The following HOXA2 variants were observed in gnomAD, a reference collection of about 807,000 sequenced individuals.
HOXA2 encodes the protein homeobox A2, also known as homeobox protein Hox-A2.
A neutral mutation model predicts 27.2 loss-of-function variants in HOXA2; 4 were observed. The observed-to-expected ratio is 0.15, with a 90% CI of 0.07 to 0.34. The LOEUF (loss-of-function observed/expected upper bound fraction) is 0.34. Ranked by LOEUF, HOXA2 falls within the 10% of genes least tolerant of loss-of-function variation. HOXA2 has a pLI of 1.00. For missense variants in HOXA2, 430 were observed against 473.2 expected (o/e 0.91, Z 0.85); for synonymous variants, 200 against 202.8 (o/e 0.99, Z 0.12).
chr7:27,101,208 G>A lies in HOXA2; in HGVS notation c.649C>T (p.Leu217Phe), dbSNP rs1478280686. ...NQNSEGKCKS[L>F]EDSEKVEEDE... ...TCCTCTACTTTCTCGGAGTCCTCAA[G>A]GCTTTTACATTTCCCTTCGCTGTTT... The change falls in exon 2 of 2, where the codon CTT becomes TTT. Residue 217 changes from leucine to phenylalanine, a missense_variant. Transcript: ENST00000222718. 6.2e-7 allele frequency: 1 copy of A among 1,614,062 alleles called. No individual in the cohort carries two copies. Among genetic ancestry groups the A allele is most frequent in the Non-Finnish European group, 8.5e-7 (1 of 1,180,040 alleles).
Position 27,100,951 on chromosome 7 carries a change from G to T in HOXA2, c.906C>A (p.Gly302=). Residue 302 remains glycine (G), a synonymous_variant, in exon 2 of 2, where the codon GGC becomes GGA. Coordinates refer to ENST00000222718, the MANE Select transcript of HOXA2 (RefSeq NM_006735.4). The stretch of plus-strand genomic sequence containing the variant: ...TGTTTAGGCCAGCTCCACAGTTCTG[G>T]CCCATTGTTGACAAGCAGTTGGGAA... ...PTVPNCLSTM[G]QNCGAGLNND... 1.2e-5 allele frequency: 20 copies of T among 1,614,232 alleles called. No individual in the cohort carries two copies. The highest frequency in any genetic ancestry group is 1.7e-5 in the Non-Finnish European group (20 of 1,180,038).
Position 27,102,253 on chromosome 7 carries a change from C to A in HOXA2, c.248G>T (p.Ser83Ile). 6.7e-7 allele frequency: 1 copy of A among 1,502,780 alleles called. No individual in the cohort carries two copies. The highest frequency in any genetic ancestry group is 8.9e-7 in the Non-Finnish European group (1 of 1,125,556). The allele number at this position is 1,502,780 out of a possible 1,614,324, so 93.1% of individuals were successfully genotyped here. ...CTGCAGGGCGCCGGCGGGCACCGGG[C>A]TGCCGCGGCTGCCCGCGGGGCTCGG... ...PKPSPAGSRGSPVPAGALQPP... is the reference protein window; with the variant it reads ...PKPSPAGSRGIPVPAGALQPP... The change falls in exon 1 of 2, where the codon AGC becomes ATC. Residue 83 changes from serine (S) to isoleucine (I), a missense_variant. Physicochemically the swap from Ser to Ile is moderately radical, Grantham distance 142. Around this residue, in one of 4 missense-constraint regions of HOXA2, gnomAD observed 166 missense variants for 207.6 expected, o/e 0.80. Transcript: ENST00000222718. This position sits in a 1 kb window ranked among gnomAD's most constrained non-coding sequence, Gnocchi z 4.6.
Position 27,100,690 on chromosome 7 carries a change from T to A in HOXA2, c.*36A>T, listed in dbSNP as rs1554334194. The A allele has an allele frequency of 6.2e-7, 1 of 1,612,706 alleles. No individual in the cohort carries two copies. The highest frequency in any genetic ancestry group is 8.5e-7 in the Non-Finnish European group (1 of 1,179,416). ...GGCAAAACCACCTGGTCAAAGGAGT[T>A]TTTGTTTGGTGATGCTTTGTTTTGC... On this transcript the variant is annotated 3_prime_UTR_variant, in exon 2 of 2. Transcript: ENST00000222718.
rs747264534 is a variant in HOXA2 at position 27,102,335 on chromosome 7, T to C, written c.166A>G (p.Ile56Val). ...TGACTGCCGGGGTTCAGGCTGGGAA[T>C]GGTCTGCTCAAAAGGAGGAGGAATC... ...TLIPPPFEQT[I>V]PSLNPGSHPR... Residue 56 changes from isoleucine to valine, a missense_variant, in exon 1 of 2, where the codon ATT (isoleucine) becomes GTT (valine). By Grantham distance (29) the Ile-to-Val change is conservative (BLOSUM62 3). Around this residue, in one of 4 missense-constraint regions of HOXA2, gnomAD observed 166 missense variants for 207.6 expected, o/e 0.80. Coordinates refer to ENST00000222718, the MANE Select transcript of HOXA2 (RefSeq NM_006735.4). The surrounding 1 kb of genome is among the most constrained non-coding windows in gnomAD (Gnocchi z 4.6). 11 of 1,613,492 alleles carry C rather than the reference T, an allele frequency of 6.8e-6. No individual in the cohort carries two copies. In the African/African-American group the frequency reaches 9.4e-5, roughly 14 times the overall value.
chr7:27,100,847 G>A lies in HOXA2; in HGVS notation c.1010C>T (p.Ser337Leu), dbSNP rs758080122. ...TGGCAAACTGGGTGAAACTGCATCT[G>A]AAAGCTGCAGGCAGGAATCTGTGGA... ...VFSTDSCLQL[S>L]DAVSPSLPGS... The change falls in exon 2 of 2, where the codon TCA becomes TTA. Residue 337 changes from serine (S) to leucine (L), a missense_variant. Transcript: ENST00000222718. The A allele has an allele frequency of 1.1e-5, 18 of 1,614,246 alleles. No individual in the cohort carries two copies. Among genetic ancestry groups the A allele is most frequent in the Non-Finnish European group, 1.4e-5 (16 of 1,180,040 alleles).
In HOXA2 at chr7:27,100,677, T is replaced by C; in HGVS notation, c.*49A>G. 6.2e-7 allele frequency: 1 copy of C among 1,607,096 alleles called. No homozygotes were observed. The highest frequency in any genetic ancestry group is 2.2e-5 in the East Asian group (1 of 44,852). ...CCAAATAAAAGAAGGCAAAACCACC[T>C]GGTCAAAGGAGTTTTTGTTTGGTGA... On this transcript the variant is annotated 3_prime_UTR_variant, in exon 2 of 2. Coordinates refer to ENST00000222718, the MANE Select transcript of HOXA2 (RefSeq NM_006735.4).
At chr7:27,101,490 G>GACAC in intron 1 of HOXA2, 25 bp from the exon 2 acceptor site, 1 of 1,598,918 alleles carries the variant, frequency 6.3e-7, no homozygotes, top group Non-Finnish European at 8.5e-7. Context: ...ACCAACAAGA[G>GACAC]ACACACGCAC....
At chr7:27,101,626 C>T (rs1783927187) in intron 1 of HOXA2, 161 bp from the exon 2 acceptor site, 2 of 859,752 alleles carry the variant, frequency 2.3e-6, no homozygotes, top group Admixed American at 2.0e-5. Context: ...TTCCTGGGAG[C>T]CCAGCCTGGG....
rs772913256 is a variant in HOXA2, at chr7:27,101,062, G to A, written c.795C>T (p.His265=). 4 of 1,614,184 alleles carry A rather than the reference G, an allele frequency of 2.5e-6. No homozygotes were observed. Among genetic ancestry groups the A allele is most frequent in the East Asian group, 2.2e-5 (1 of 44,886 alleles). Reference sequence around the variant, plus strand: ...CTGGGAAACTTTGGGAGTCGCCATTGTGTCCATTGGGAGCCTGCTGCTGAG... The same window carrying A: ...CTGGGAAACTTTGGGAGTCGCCATTATGTCCATTGGGAGCCTGCTGCTGAG... ...ALSQQQAPNG[H]NGDSQSFPVS... The change falls in exon 2 of 2, where the codon CAC becomes CAT. Residue 265 remains histidine (H), a synonymous_variant. Coordinates refer to ENST00000222718, the MANE Select transcript of HOXA2 (RefSeq NM_006735.4).
chr7:27,101,542 G>T (rs1783926447), intron 1 of HOXA2, 77 bp from the exon 2 acceptor site: 1 of 1,496,528 alleles, frequency 6.7e-7, no homozygotes, highest in Non-Finnish European at 9.2e-7. Flanking sequence ...TTCCACTGGA[G>T]AATAAATATA....
chr7:27,102,461 T>C lies in HOXA2; in HGVS notation c.40A>G (p.Ser14Gly), dbSNP rs1325271483. Residue 14 changes from serine to glycine, a missense_variant, in exon 1 of 2, where the codon AGC becomes GGC. Coordinates refer to ENST00000222718, the MANE Select transcript of HOXA2 (RefSeq NM_006735.4). This position sits in a 1 kb window ranked among gnomAD's most constrained non-coding sequence, Gnocchi z 4.6. Reference sequence around the variant, plus strand: ...AGGCACTCAGCGAGCGACGGCTGGCTATTGATAAAACCAATCTCTCGCTCA... The same window carrying C: ...AGGCACTCAGCGAGCGACGGCTGGCCATTGATAAAACCAATCTCTCGCTCA... ...EFEREIGFINSQPSLAECLTS... is the reference protein window; with the variant it reads ...EFEREIGFINGQPSLAECLTS... 6.2e-7 allele frequency: 1 copy of C among 1,614,010 alleles called. No individual in the cohort carries two copies. The highest frequency in any genetic ancestry group is 1.3e-5 in the African/African-American group (1 of 74,944).
In HOXA2 at chr7:27,100,647, A is replaced by C; in HGVS notation, c.*79T>G. 6.7e-7 allele frequency: 1 copy of C among 1,494,818 alleles called. No individual in the cohort carries two copies. The highest frequency in any genetic ancestry group is 9.3e-7 in the Non-Finnish European group (1 of 1,077,948). The allele number at this position is 1,494,818 out of a possible 1,614,324, so 92.6% of individuals were successfully genotyped here. On this transcript the variant is annotated 3_prime_UTR_variant, in exon 2 of 2. Coordinates refer to ENST00000222718, the MANE Select transcript of HOXA2 (RefSeq NM_006735.4). ...TAGGTCAAGAAGAAAATAAAAAATA[A>C]ACTCCCAAATAAAAGAAGGCAAAAC... is the stretch of plus-strand genomic sequence containing the variant.
chr7:27,101,980 A>C (rs1783935171), intron 1 of HOXA2, 130 bp downstream of exon 1: 10 of 1,351,358 alleles, frequency 7.4e-6, no homozygotes, highest in Non-Finnish European at 1.0e-5. Context: ...GGCAGGGACA[A>C]GGCAACCAAG....
Position 27,100,617 on chromosome 7 carries a change from A to C in HOXA2, c.*109T>G. 8.7e-7 allele frequency: 1 copy of C among 1,147,660 alleles called. No homozygotes were observed. The highest frequency in any genetic ancestry group is 1.3e-6 in the Non-Finnish European group (1 of 770,362). The allele number at this position is 1,147,660 out of a possible 1,614,324, so 71.1% of individuals were successfully genotyped here. ...AAATCCTCAACACTTAAAGGAGGGA[A>C]GGGGTAGGTCAAGAAGAAAATAAAA... On this transcript the variant is annotated 3_prime_UTR_variant, in exon 2 of 2. Coordinates refer to ENST00000222718, the MANE Select transcript of HOXA2 (RefSeq NM_006735.4).
chr7:27,100,569 G>A lies in HOXA2; in HGVS notation c.*157C>T. ...GTAAAAGATGGCTCTGTTTGAAACTGGGTCAGGGAATCACTAAACAGAAAA... is the reference window on the plus strand; with the variant it reads ...GTAAAAGATGGCTCTGTTTGAAACTAGGTCAGGGAATCACTAAACAGAAAA... On this transcript the variant is annotated 3_prime_UTR_variant, in exon 2 of 2. Transcript: ENST00000222718. 2.6e-6 allele frequency: 2 copies of A among 760,420 alleles called. No individual in the cohort carries two copies. Among genetic ancestry groups the A allele is most frequent in the South Asian group, 1.7e-5 (1 of 57,648 alleles). The allele number at this position is 760,420 out of a possible 1,614,324, so 47.1% of individuals were successfully genotyped here.
Position 27,101,235 on chromosome 7 carries a change from GGTTTTCCTTGCA to G in HOXA2, c.610_621del (p.Cys204_Asn207del), listed in dbSNP as rs760839440. 12 of 1,614,126 alleles carry G rather than the reference GGTTTTCCTTGCA, an allele frequency of 7.4e-6. No individual in the cohort carries two copies. Among genetic ancestry groups the G allele is most frequent in the Non-Finnish European group, 1.0e-5 (12 of 1,180,034 alleles). On this transcript the variant is annotated inframe_deletion, in exon 2 of 2. Coordinates refer to ENST00000222718, the MANE Select transcript of HOXA2 (RefSeq NM_006735.4). ...CTTTTACATTTCCCTTCGCTGTTTT[GGTTTTCCTTGCA>G]CTGGGTCTGCCTCTTGTGCTTCATC...
Position 27,101,030 on chromosome 7 carries a change from G to T in HOXA2, c.827C>A (p.Pro276His). The stretch of plus-strand genomic sequence containing the variant: ...CAGATTTTTCTCATTGCTGGTTAAA[G>T]GCGAGACTGGGAAACTTTGGGAGTC... ...NGDSQSFPVSPLTSNEKNLKH... is the reference protein window; with the variant it reads ...NGDSQSFPVSHLTSNEKNLKH... Residue 276 changes from proline to histidine, a missense_variant, in exon 2 of 2, where the codon CCT (proline) becomes CAT (histidine). Physicochemically the swap from Pro to His is moderately conservative, Grantham distance 77. This residue lies in a region of HOXA2 where 236 missense variants were observed against 208.5 expected (regional missense o/e 1.13). Coordinates refer to ENST00000222718, the MANE Select transcript of HOXA2 (RefSeq NM_006735.4). The T allele has an allele frequency of 1.2e-6, 2 of 1,614,206 alleles. No homozygotes were observed. Among genetic ancestry groups the T allele is most frequent in the Non-Finnish European group, 1.7e-6 (2 of 1,180,046 alleles).
At position 27,102,638 on chromosome 7, in the gene HOXA2, T is replaced by C; in HGVS notation, c.-138A>G. The C allele has an allele frequency of 1.3e-6, 1 of 784,084 alleles. No homozygotes were observed. The highest frequency in any genetic ancestry group is 2.1e-6 in the Non-Finnish European group (1 of 477,688). The allele number at this position is 784,084 out of a possible 1,614,324, so 48.6% of individuals were successfully genotyped here. On this transcript the variant is annotated 5_prime_UTR_variant, in exon 1 of 2. Coordinates refer to ENST00000222718, the MANE Select transcript of HOXA2 (RefSeq NM_006735.4). The surrounding 1 kb of genome is among the most constrained non-coding windows in gnomAD (Gnocchi z 4.6). ...TATCGCTGCTAGGGTGTTTTTTTTC[T>C]AATTCACTGATTACAGCCGTATGGG...
chr7:27,100,567 C>A lies in HOXA2; in HGVS notation c.*159G>T. 2.7e-6 allele frequency: 2 copies of A among 754,500 alleles called. No individual in the cohort carries two copies. Among genetic ancestry groups the A allele is most frequent in the Non-Finnish European group, 4.4e-6 (2 of 458,970 alleles). 46.7% of individuals were successfully genotyped at this position (754,500 alleles called of 1,614,324 possible). A position where few individuals can be genotyped will look rare whatever the true frequency, so the allele number is the denominator to read the frequency against. On this transcript the variant is annotated 3_prime_UTR_variant, in exon 2 of 2. Transcript: ENST00000222718. ...CTGTAAAAGATGGCTCTGTTTGAAACTGGGTCAGGGAATCACTAAACAGAA... is the reference window on the plus strand; with the variant it reads ...CTGTAAAAGATGGCTCTGTTTGAAAATGGGTCAGGGAATCACTAAACAGAA...
Sources: allele counts gnomAD v4.1 joint callset, GRCh38; gene constraint gnomAD v4.1.1; regional missense constraint gnomAD v4.1.1; non-coding constraint Gnocchi (gnomAD v3.1); transcripts MANE v1.5; gene names NCBI Gene and HGNC (gene_info 2026-07-23, HGNC 2026-07-21).